Variants in KCNIP1 observed in about 807,000 individuals in gnomAD.
KCNIP1 encodes the protein A-type potassium channel modulatory protein KCNIP1.
In KCNIP1, 18 loss-of-function variants were observed where a neutral mutation model predicts 33.0. The observed-to-expected ratio is 0.55, with a 90% confidence interval of 0.38 to 0.81. KCNIP1 has a LOEUF of 0.81. Among genes scored for constraint, KCNIP1 ranks in the 30% least tolerant of loss-of-function variants. KCNIP1 has a pLI of 0.00. For synonymous variants in KCNIP1, 93 were observed against 98.3 expected (o/e 0.95, Z 0.32); for missense variants, 238 against 271.6 (o/e 0.88, Z 0.87).
chr5:170,568,519 T>C (rs564357264), intron 1 of KCNIP1, among the ~76,000 whole-genome samples: 3 of 151,654 alleles, frequency 2.0e-5, no homozygotes, highest in Non-Finnish European at 4.4e-5. Context: ...ACTCAGACTA[T>C]GAGAAAGTTC....
chr5:170,492,465 T>C (rs116758071), intron 1 of KCNIP1, among the ~76,000 whole-genome samples: 1,609 of 152,314 alleles, frequency 0.011, 32 homozygotes, highest in African/African-American at 0.035. Flanking sequence ...TAGGGGTTTT[T>C]ATGGAGGTTC....
chr5:170,682,784 C>CTTTTTTTTTTTT (rs70979196), intron 1 of KCNIP1, among the ~76,000 whole-genome samples: 728 of 71,380 alleles, frequency 0.01, 45 homozygotes, highest in Middle Eastern at 0.023. Flanking sequence ...TTCTTTGTTT[C>CTTTTTTTTTTTT]TTTTTTTTTT....
chr5:170,529,543 A>G (rs1755710285), intron 1 of KCNIP1, among the ~76,000 whole-genome samples: 1 of 152,200 alleles, frequency 6.6e-6, no homozygotes, highest in African/African-American at 2.4e-5. Flanking sequence ...TCAAGTACAC[A>G]GGTTTCTGTA....
chr5:170,392,979 C>CATAT (rs2113368441), intron 1 of KCNIP1, among the ~76,000 whole-genome samples: 1 of 152,280 alleles, frequency 6.6e-6, no homozygotes, highest in African/African-American at 2.4e-5. Flanking sequence ...GCAATACATA[C>CATAT]ACATACACAT....
At chr5:170,501,875 C>T (rs900533262), upstream of KCNIP1, among the ~76,000 whole-genome samples, 1 of 152,224 alleles carries the variant, frequency 6.6e-6, no homozygotes, top group Non-Finnish European at 1.5e-5. Flanking sequence ...TCTTCTCGAA[C>T]AGAGAAGGCA....
intron 1 of KCNIP1, among the ~76,000 whole-genome samples, chr5:170,355,501 T>C (rs1472651027): frequency 6.6e-6 from 1 of 152,164 alleles, no homozygotes; most frequent in Non-Finnish European, 1.5e-5. Context: ...TGCAGTCTAG[T>C]GGCGACCCAG....
At chr5:170,662,602 G>T (rs895972705) in intron 1 of KCNIP1, among the ~76,000 whole-genome samples, 1 of 152,172 alleles carries the variant, frequency 6.6e-6, no homozygotes, top group African/African-American at 2.4e-5. Flanking sequence ...CACCTCCCCA[G>T]GCTACATCCA....
At chr5:170,660,592 A>T (rs1761444429) in intron 1 of KCNIP1, among the ~76,000 whole-genome samples, 1 of 152,186 alleles carries the variant, frequency 6.6e-6, no homozygotes, top group Non-Finnish European at 1.5e-5. Context: ...TTCCTGTCTC[A>T]CCCATATGTG....
intron 1 of KCNIP1, among the ~76,000 whole-genome samples, chr5:170,700,433 G>C (rs1202937880): frequency 2.0e-5 from 3 of 152,182 alleles, no homozygotes; most frequent in Non-Finnish European, 4.4e-5. Context: ...GCTTGGCATT[G>C]TGGCATCTGC....
intron 1 of KCNIP1, among the ~76,000 whole-genome samples, chr5:170,419,071 G>A (rs1755409743): frequency 6.6e-6 from 1 of 152,242 alleles, no homozygotes; most frequent in African/African-American, 2.4e-5. Flanking sequence ...AAGTCTACGT[G>A]GTTAGTGAAT....
chr5:170,534,266 A>G (rs1755887487), intron 1 of KCNIP1, among the ~76,000 whole-genome samples: 1 of 152,160 alleles, frequency 6.6e-6, no homozygotes, highest in Non-Finnish European at 1.5e-5. Flanking sequence ...TGCAGCTTCT[A>G]GTTTCAACTT....
intron 1 of KCNIP1, among the ~76,000 whole-genome samples, chr5:170,541,582 G>A (rs1412948010): frequency 6.6e-6 from 1 of 152,220 alleles, no homozygotes; most frequent in Admixed American, 6.5e-5. Context: ...CCACCCAGGT[G>A]ACTGAGTACT....
chr5:170,570,071 C>T (rs950033168), intron 1 of KCNIP1, among the ~76,000 whole-genome samples: 19 of 152,290 alleles, frequency 1.2e-4, no homozygotes, highest in African/African-American at 3.4e-4. Context: ...CGATGCTCTA[C>T]GATGTCGTAC....
At chr5:170,663,625 C>A (rs1367455151) in intron 1 of KCNIP1, among the ~76,000 whole-genome samples, 1 of 152,128 alleles carries the variant, frequency 6.6e-6, no homozygotes, top group African/African-American at 2.4e-5. Context: ...ATCTGTCCTG[C>A]CCCAGTGTTC....
chr5:170,677,742 C>T (rs1425834290), intron 1 of KCNIP1, among the ~76,000 whole-genome samples: 1 of 152,048 alleles, frequency 6.6e-6, no homozygotes, highest in Admixed American at 6.6e-5. Flanking sequence ...AACCCCACAT[C>T]CCCCTGACAC....
At chr5:170,691,894 A>C (rs1434224445) in intron 1 of KCNIP1, among the ~76,000 whole-genome samples, 1 of 152,178 alleles carries the variant, frequency 6.6e-6, no homozygotes, top group Non-Finnish European at 1.5e-5. Flanking sequence ...CAATATAGAA[A>C]ACACATTAAG....
At chr5:170,502,927 C>T (rs1313869122), upstream of KCNIP1, among the ~76,000 whole-genome samples, 9 of 152,104 alleles carry the variant, frequency 5.9e-5, no homozygotes, top group East Asian at 1.9e-4. Flanking sequence ...CAGGCAGGGA[C>T]GCAAACTTTG....
chr5:170,660,771 C>T (rs927671831), intron 1 of KCNIP1, among the ~76,000 whole-genome samples: 32 of 152,266 alleles, frequency 2.1e-4, no homozygotes, highest in African/African-American at 6.8e-4. Context: ...ATCCCTCCTT[C>T]CACGCCCAGC....
At chr5:170,705,750 C>G (rs895950729) in intron 1 of KCNIP1, among the ~76,000 whole-genome samples, 2 of 152,240 alleles carry the variant, frequency 1.3e-5, no homozygotes, top group Middle Eastern at 3.4e-3. Context: ...TCTTCCTATA[C>G]TGAAGAGAAA....
Sources: allele counts gnomAD v4.1 joint callset (sites outside exome capture counted in the v4.1 genomes callset), GRCh38; gene constraint gnomAD v4.1.1; transcripts MANE v1.5; gene names NCBI Gene and HGNC (gene_info 2026-07-23, HGNC 2026-07-21).